Variants in C1QTNF6 observed in about 807,000 individuals in gnomAD.
C1QTNF6 encodes C1q and TNF related 6.
C1QTNF6 carries 17 observed loss-of-function variants against 20.7 expected under a neutral mutation model. That is an observed-to-expected ratio of 0.82 (90% confidence interval 0.56 to 1.23). The LOEUF is 1.23. C1QTNF6 is among the 50% of genes most tolerant of loss of function. C1QTNF6 has a pLI of 0.00. For missense variants in C1QTNF6, 329 were observed against 389.7 expected (o/e 0.84, Z 1.31); for synonymous variants, 130 against 156.3 (o/e 0.83, Z 1.25).
In C1QTNF6 at chr22:37,180,658, C is replaced by G. The variant is rs957923065; in HGVS notation, c.*1530G>C. 2 of 152,644 alleles carry G rather than the reference C, an allele frequency of 1.3e-5. No homozygotes were observed. The highest frequency in any genetic ancestry group is 4.8e-5 in the African/African-American group (2 of 41,440). 9.5% of individuals were successfully genotyped at this position (152,644 alleles called of 1,614,324 possible). On this transcript the variant is annotated 3_prime_UTR_variant, in exon 3 of 3. Transcript: ENST00000337843. Reference sequence around the variant, plus strand: ...AGCACCTTGATAAAGCCTGGAGAGTCGGGGCACTGGGCCGGTGAGAGGGGC... The same window carrying G: ...AGCACCTTGATAAAGCCTGGAGAGTGGGGGCACTGGGCCGGTGAGAGGGGC...
intron 1 of C1QTNF6, among the ~76,000 whole-genome samples, chr22:37,186,225 AAAG>A (rs1348633269): frequency 4.6e-5 from 7 of 152,206 alleles, no homozygotes; most frequent in African/African-American, 1.7e-4. Flanking sequence ...TGTGCAAAGC[AAAG>A]AAGGTGCCCC....
At position 37,185,330 on chromosome 22, in the gene C1QTNF6, G is replaced by C. The variant is rs759751394; in HGVS notation, c.177C>G (p.Cys59Trp). 11 of 1,613,590 alleles carry C rather than the reference G, an allele frequency of 6.8e-6. No individual in the cohort carries two copies. The highest frequency in any genetic ancestry group is 9.3e-6 in the Non-Finnish European group (11 of 1,179,872). ...GATCCAGGGGGTCCTCAGAGTCACA[G>C]CACCGTTGGCAGCCGCTGGCCACAG... ...DRAVASGCQRCCDSEDPLDPA... is the reference protein window; with the variant it reads ...DRAVASGCQRWCDSEDPLDPA... Residue 59 changes from cysteine (C) to tryptophan (W), a missense_variant, in exon 2 of 3, where the codon TGC becomes TGG. Physicochemically the swap from Cys to Trp is radical, Grantham distance 215. Coordinates refer to ENST00000337843, the MANE Select transcript of C1QTNF6 (RefSeq NM_031910.4).
Position 37,184,520 on chromosome 22 carries a change from A to AG in C1QTNF6, c.289+697dup, listed in dbSNP as rs910287889. 2.8e-5 allele frequency: 20 copies of AG among 709,830 alleles called. No homozygotes were observed. In the African/African-American group the frequency reaches 3.3e-4, roughly 12 times the overall value. 44.0% of individuals were successfully genotyped at this position (709,830 alleles called of 1,614,324 possible). ...CACCTGGACGGGCCCTCACCTGGACAGCCCTCACCTGGACAGCCCTCACCT... is the reference window on the plus strand; with the variant it reads ...CACCTGGACGGGCCCTCACCTGGACAGGCCCTCACCTGGACAGCCCTCACCT... On this transcript the variant is annotated intron_variant, in intron 2 of 2. Transcript: ENST00000337843. This position sits in a 1 kb window ranked among gnomAD's most constrained non-coding sequence, Gnocchi z 4.0.
Position 37,185,263 on chromosome 22 carries a change from C to T in C1QTNF6, c.244G>A (p.Ala82Thr), listed in dbSNP as rs201292670. 43 of 1,603,876 alleles carry T rather than the reference C, an allele frequency of 2.7e-5. No individual in the cohort carries two copies. The East Asian group carries it at 6.3e-4, about 23-fold the overall frequency. The change falls in exon 2 of 3, where the codon GCC (alanine) becomes ACC (threonine). Residue 82 changes from alanine (A) to threonine (T), a missense_variant. Coordinates refer to ENST00000337843, the MANE Select transcript of C1QTNF6 (RefSeq NM_031910.4). ...SSASSSGRPH[A>T]LPEIRPYINI... ...ATGTAGGGTCTGATCTCAGGCAGGG[C>T]GTGGGGGCGGCCGGAGGAAGAGGCT...
chr22:37,185,036 A>G (rs1381053227), intron 2 of C1QTNF6, among the ~76,000 whole-genome samples, 182 bp downstream of exon 2: 1 of 151,664 alleles, frequency 6.6e-6, no homozygotes, highest in Non-Finnish European at 1.5e-5. Context: ...GGCAGGAGGC[A>G]TCTTGGTCTG....
At chr22:37,185,673 A>G (rs1163201476) in intron 1 of C1QTNF6, 7 of 1,256,532 alleles carry the variant, frequency 5.6e-6, no homozygotes, top group East Asian at 3.4e-5. Flanking sequence ...CAGGGCCTGC[A>G]TGCTGAGTCT....
In C1QTNF6 at chr22:37,182,267, C is replaced by T. The variant is rs1457358945; in HGVS notation, c.758G>A (p.Arg253His). Residue 253 changes from arginine (R) to histidine (H), a missense_variant, in exon 3 of 3, where the codon CGC becomes CAC. Coordinates refer to ENST00000337843, the MANE Select transcript of C1QTNF6 (RefSeq NM_031910.4). ...RVWVRLFKRQ[R>H]ENAIYSNDFD... ...GTCGTTGCTGTAGATGGCGTTCTCG[C>T]GCTGGCGCTTGAAGAGCCGCACCCA... The T allele has an allele frequency of 1.2e-5, 19 of 1,614,206 alleles. No individual in the cohort carries two copies. The highest frequency in any genetic ancestry group is 2.2e-5 in the East Asian group (1 of 44,884).
rs1923897240 is a variant in C1QTNF6, at chr22:37,182,666, G to A, written c.359C>T (p.Pro120Leu). Residue 120 changes from proline (P) to leucine (L), a missense_variant, in exon 3 of 3, where the codon CCT becomes CTT. By Grantham distance (98) the Pro-to-Leu change is moderately conservative (BLOSUM62 -3). Coordinates refer to ENST00000337843, the MANE Select transcript of C1QTNF6 (RefSeq NM_031910.4). ...YMGREGPQGE[P>L]GPQGSKGDKG... Reference sequence around the variant, plus strand: ...GTCACCCTTGCTGCCCTGAGGGCCAGGCTCCCCTTGGGGACCCTCCCTGCC... The same window carrying A: ...GTCACCCTTGCTGCCCTGAGGGCCAAGCTCCCCTTGGGGACCCTCCCTGCC... 1.2e-6 allele frequency: 2 copies of A among 1,613,068 alleles called. No individual in the cohort carries two copies. The highest frequency in any genetic ancestry group is 2.7e-5 in the African/African-American group (2 of 75,056).
chr22:37,187,477 C>T (rs1924455051), intron 1 of C1QTNF6, among the ~76,000 whole-genome samples: 1 of 151,984 alleles, frequency 6.6e-6, no homozygotes, highest in Non-Finnish European at 1.5e-5. Context: ...GGGCTTCCTG[C>T]TCCTTGATAC....
At chr22:37,198,901 G>A (rs1467526660), upstream of C1QTNF6, among the ~76,000 whole-genome samples, 1 of 152,170 alleles carries the variant, frequency 6.6e-6, no homozygotes, top group Non-Finnish European at 1.5e-5. Context: ...GCCGGGGAAA[G>A]TTTCGCTCTC....
rs571934831 is a variant in C1QTNF6, at chr22:37,188,068, C to G, written c.51+95G>C. 8.3e-6 allele frequency: 11 copies of G among 1,323,892 alleles called. No homozygotes were observed. In the Admixed American group the frequency reaches 1.2e-4, roughly 15 times the overall value. The allele number at this position is 1,323,892 out of a possible 1,614,324, so 82.0% of individuals were successfully genotyped here. On this transcript the variant is annotated intron_variant, in intron 1 of 2. Coordinates refer to ENST00000337843, the MANE Select transcript of C1QTNF6 (RefSeq NM_031910.4). Reference sequence around the variant, plus strand: ...GGCTGTCCCAGTCAGAGGGAGAGAGCAGGGCCCGAGATGCTTCCAGGAAGC... The same window carrying G: ...GGCTGTCCCAGTCAGAGGGAGAGAGGAGGGCCCGAGATGCTTCCAGGAAGC...
At position 37,184,248 on chromosome 22, in the gene C1QTNF6, C is replaced by A. The variant is rs1924063968; in HGVS notation, c.289+970G>T. 1 of 673,700 alleles carries A rather than the reference C, an allele frequency of 1.5e-6. No individual in the cohort carries two copies. 41.7% of individuals were successfully genotyped at this position (673,700 alleles called of 1,614,324 possible). Reference sequence around the variant, plus strand: ...AGTGTCCCCGGGGAGAGCTCAGGAACAAATCCTGGCTCCATCCCTGACAGC... The same window carrying A: ...AGTGTCCCCGGGGAGAGCTCAGGAAAAAATCCTGGCTCCATCCCTGACAGC... On this transcript the variant is annotated intron_variant, in intron 2 of 2. Transcript: ENST00000337843. The surrounding 1 kb of genome is among the most constrained non-coding windows in gnomAD (Gnocchi z 4.0).
At position 37,180,891 on chromosome 22, in the gene C1QTNF6, G is replaced by C. The variant is rs907961938; in HGVS notation, c.*1297C>G. The C allele has an allele frequency of 2.5e-4, 38 of 152,460 alleles. No individual in the cohort carries two copies. Among genetic ancestry groups the C allele is most frequent in the African/African-American group, 8.9e-4 (37 of 41,538 alleles). The allele number at this position is 152,460 out of a possible 1,614,324, so 9.4% of individuals were successfully genotyped here. ...AGCTGTGGGGAGAGCTATGGGTGTG[G>C]GTTCCATTCTTCGGGGGCCACTTCA... On this transcript the variant is annotated 3_prime_UTR_variant, in exon 3 of 3. Transcript: ENST00000337843.
upstream of C1QTNF6, chr22:37,188,289 G>GA: frequency 7.8e-7 from 1 of 1,288,136 alleles, no homozygotes; most frequent in East Asian, 4.4e-5. Flanking sequence ...GCAGAGGAGG[G>GA]AGAGAGGAGG....
chr22:37,185,950 T>C (rs1924295304), intron 1 of C1QTNF6: 18 of 985,946 alleles, frequency 1.8e-5, no homozygotes, highest in Non-Finnish European at 2.0e-5. Context: ...CTGAGGTTAG[T>C]GAACACTGGG....
chr22:37,188,305 G>GAGGGAGAGAGGAGGGGATGT, upstream of C1QTNF6: 1 of 1,158,494 alleles, frequency 8.6e-7, no homozygotes, highest in Non-Finnish European at 1.2e-6. Context: ...GGAGGGGATG[G>GAGGGAGAGAGGAGGGGATGT]AGGGAGAGAG....
upstream of C1QTNF6, among the ~76,000 whole-genome samples, chr22:37,198,761 A>T (rs11912364): frequency 0.016 from 2,362 of 148,558 alleles, 68 homozygotes; most frequent in African/African-American, 0.055. Context: ...GCGCCCATGC[A>T]CTCGCTTCTT....
intron 2 of C1QTNF6, 134 bp downstream of exon 2, chr22:37,185,084 C>A: frequency 8.4e-6 from 12 of 1,421,986 alleles, no homozygotes; most frequent in Non-Finnish European, 1.1e-5. Flanking sequence ...TGGAACAGAC[C>A]AGGCTCACAT....
Position 37,182,573 on chromosome 22 carries a change from T to C in C1QTNF6, c.452A>G (p.Lys151Arg). The C allele has an allele frequency of 1.9e-6, 3 of 1,614,102 alleles. No individual in the cohort carries two copies. The South Asian group carries it at 3.3e-5, about 18-fold the overall frequency. Residue 151 changes from lysine (K) to arginine (R), a missense_variant, in exon 3 of 3, where the codon AAG becomes AGG. Coordinates refer to ENST00000337843, the MANE Select transcript of C1QTNF6 (RefSeq NM_031910.4). ...GTCCTCGCCGCTGTGCAGGGCCGTCTTGCGGCCCACTGAGAAGGCGAAGAA... is the reference window on the plus strand; with the variant it reads ...GTCCTCGCCGCTGTGCAGGGCCGTCCTGCGGCCCACTGAGAAGGCGAAGAA... Reference protein sequence around the residue: ...KRFFAFSVGRKTALHSGEDFQ... With the variant: ...KRFFAFSVGRRTALHSGEDFQ...
Sources: gnomAD v4.1 joint callset for allele counts (sites outside exome capture counted in the v4.1 genomes callset) on GRCh38, gnomAD v4.1.1 for gene constraint, Gnocchi (gnomAD v3.1) non-coding constraint, MANE v1.5 for transcripts, NCBI Gene and HGNC (gene_info 2026-07-23, HGNC 2026-07-21) for gene names.